CHRM2: variants seen among roughly 807,000 people sequenced by gnomAD.
CHRM2 encodes muscarinic acetylcholine receptor M2.
Under a neutral mutation model 25.0 loss-of-function variants are expected in CHRM2, and 8 were observed. That is an observed-to-expected ratio of 0.32 (90% CI 0.19 to 0.58). The LOEUF (loss-of-function observed/expected upper bound fraction) is 0.58, where lower values mean the gene tolerates loss of function less well. Ranked by LOEUF, CHRM2 falls within the 20% of genes least tolerant of loss-of-function variation. The pLI, the probability that CHRM2 is intolerant of heterozygous loss-of-function variation, is 0.88. For missense variants in CHRM2, 440 were observed against 567.1 expected, an observed-to-expected ratio of 0.78 and a Z score of 2.28; for synonymous variants, 202 against 205.7, an observed-to-expected ratio of 0.98 and a Z score of 0.15.
At chr7:136,989,891 C>G (rs192255957) in intron 2 of CHRM2, among the ~76,000 whole-genome samples, 1 of 152,086 alleles carries the variant, frequency 6.6e-6, no homozygotes, top group Non-Finnish European at 1.5e-5. Context: ...TTAAGCAGAG[C>G]GCATACGTTT....
At chr7:136,987,893 A>G (rs1240366983) in intron 2 of CHRM2, among the ~76,000 whole-genome samples, 4 of 152,106 alleles carry the variant, frequency 2.6e-5, no homozygotes, top group Admixed American at 1.3e-4. Context: ...TTCTTATTTT[A>G]TTACATATTT....
chr7:136,989,407 T>A (rs1803068697), intron 2 of CHRM2, among the ~76,000 whole-genome samples: 1 of 152,180 alleles, frequency 6.6e-6, no homozygotes, highest in African/African-American at 2.4e-5. Context: ...GTATGATGCA[T>A]ACTTACGGAA....
At chr7:136,958,959 G>T (rs959498261) in intron 2 of CHRM2, among the ~76,000 whole-genome samples, 24 of 152,122 alleles carry the variant, frequency 1.6e-4, no homozygotes, top group African/African-American at 5.8e-4. Context: ...CCTCGGTATG[G>T]TCTCTCTGAG....
intron 2 of CHRM2, among the ~76,000 whole-genome samples, chr7:136,927,123 T>TC (rs1346937407): frequency 6.6e-6 from 1 of 152,182 alleles, no homozygotes; most frequent in Non-Finnish European, 1.5e-5. Context: ...ATCAACTACT[T>TC]CATAAGCTAT....
chr7:136,963,282 T>C (rs754487391), intron 2 of CHRM2, among the ~76,000 whole-genome samples: 12 of 152,106 alleles, frequency 7.9e-5, no homozygotes, highest in Non-Finnish European at 1.3e-4. Context: ...TTTCCGTTAA[T>C]TAATACATTT....
chr7:136,930,387 C>T (rs1377515779), intron 2 of CHRM2, among the ~76,000 whole-genome samples: 1 of 152,076 alleles, frequency 6.6e-6, no homozygotes, highest in African/African-American at 2.4e-5. Flanking sequence ...TTAACTTCAT[C>T]TGGGATCTAG....
At chr7:136,999,000 A>C (rs1286728596) in intron 3 of CHRM2, among the ~76,000 whole-genome samples, 1 of 152,124 alleles carries the variant, frequency 6.6e-6, no homozygotes, top group Non-Finnish European at 1.5e-5. Flanking sequence ...TTGTAGAAAA[A>C]ACCCTCACTT....
intron 2 of CHRM2, among the ~76,000 whole-genome samples, chr7:136,938,016 A>G (rs2130804500): frequency 6.6e-6 from 1 of 152,328 alleles, no homozygotes; most frequent in Admixed American, 6.5e-5. Context: ...TGGCACAGAC[A>G]GGACTCTGAA....
At chr7:136,940,825 T>G (rs1286094229) in intron 2 of CHRM2, among the ~76,000 whole-genome samples, 2 of 152,210 alleles carry the variant, frequency 1.3e-5, no homozygotes, top group Non-Finnish European at 2.9e-5. Flanking sequence ...CACAACCAAT[T>G]AAGTATAGGT....
intron 2 of CHRM2, among the ~76,000 whole-genome samples, chr7:136,925,522 A>G (rs1215467892): frequency 6.7e-6 from 1 of 150,128 alleles, no homozygotes; most frequent in African/African-American, 2.4e-5. Context: ...ACAAAGAACA[A>G]TGTAAAACTA....
At chr7:136,998,763 C>T (rs1031372968) in intron 3 of CHRM2, among the ~76,000 whole-genome samples, 2 of 152,052 alleles carry the variant, frequency 1.3e-5, no homozygotes, top group African/African-American at 4.8e-5. Flanking sequence ...TGTCAATTTG[C>T]TTGAGTTCCT....
In CHRM2 at chr7:136,989,221, GATT is replaced by G. The variant is rs1451425583; in HGVS notation, c.-124-2965_-124-2963del. Among the ~76,000 whole-genome samples the G allele has an allele frequency of 4.3e-3, 618 of 143,110 alleles. 2 individuals are homozygous for G. Among genetic ancestry groups the G allele is most frequent in the Non-Finnish European group, 7.6e-3 (494 of 64,656 alleles). The allele number at this position is 143,110 out of a possible 152,430, so 93.9% of individuals were successfully genotyped here. A position where few individuals can be genotyped will look rare whatever the true frequency, so the allele number is the denominator to read the frequency against. ...GGGAAAAATCCATGCTAAGGTTAAA[GATT>G]TTTGTTTTTATAGTTTTAACTTTTT... is the stretch of plus-strand genomic sequence containing the variant. On this transcript the variant is annotated intron_variant, in intron 2 of 3. Transcript: ENST00000680005.
At chr7:136,900,830 G>A (rs1468746404) in intron 2 of CHRM2, among the ~76,000 whole-genome samples, 1 of 151,804 alleles carries the variant, frequency 6.6e-6, no homozygotes, top group Non-Finnish European at 1.5e-5. Flanking sequence ...TTCTGAAAAA[G>A]CCCCCAGACA....
At chr7:136,951,851 C>A (rs1229068390) in intron 2 of CHRM2, among the ~76,000 whole-genome samples, 1 of 152,132 alleles carries the variant, frequency 6.6e-6, no homozygotes, top group Non-Finnish European at 1.5e-5. Context: ...GCATTCTTTG[C>A]CTTTCCTCCT....
chr7:136,961,886 C>G (rs1801107657), intron 2 of CHRM2, among the ~76,000 whole-genome samples: 1 of 152,032 alleles, frequency 6.6e-6, no homozygotes, highest in African/African-American at 2.4e-5. Flanking sequence ...GTGGGGAGGA[C>G]AGGGGCGTGG....
At chr7:136,959,212 A>T (rs1472591420) in intron 2 of CHRM2, among the ~76,000 whole-genome samples, 1 of 152,216 alleles carries the variant, frequency 6.6e-6, no homozygotes, top group Non-Finnish European at 1.5e-5. Flanking sequence ...GAATTTACCC[A>T]CCAATAAATC....
chr7:136,887,904 G>A (rs1366237753), intron 2 of CHRM2, among the ~76,000 whole-genome samples: 1 of 152,082 alleles, frequency 6.6e-6, no homozygotes, highest in East Asian at 1.9e-4. Context: ...TCTCTCCTGG[G>A]AGGCACTTTG....
intron 2 of CHRM2, among the ~76,000 whole-genome samples, chr7:136,958,392 C>CTTCTTACATCTATTGTAA (rs1387430697): frequency 6.7e-6 from 1 of 149,576 alleles, no homozygotes; most frequent in African/African-American, 2.5e-5. Flanking sequence ...TTCTATTGTA[C>CTTCTTACATCTATTGTAA]TTCTTACATC....
At chr7:137,006,018 G>A (rs1010620151) in intron 3 of CHRM2, among the ~76,000 whole-genome samples, 2 of 151,982 alleles carry the variant, frequency 1.3e-5, no homozygotes. Flanking sequence ...TTCCTTGCGG[G>A]AACAAAACAA....
Sources: allele counts gnomAD v4.1 joint callset (sites outside exome capture counted in the v4.1 genomes callset), GRCh38; gene constraint gnomAD v4.1.1; transcripts MANE v1.5; gene names NCBI Gene and HGNC (gene_info 2026-07-23, HGNC 2026-07-21).